ITPRIPL2: variants seen among roughly 807,000 people sequenced by gnomAD.
ITPRIPL2 encodes the protein inositol 1,4,5-trisphosphate receptor-interacting protein-like 2.
In ITPRIPL2, 29 loss-of-function variants were observed where a neutral mutation model predicts 31.7. The ratio of observed to expected loss-of-function variants is 0.91; its 90% CI spans 0.68 to 1.25. The LOEUF is 1.25. Among genes scored for constraint, ITPRIPL2 ranks in the 50% most tolerant of loss-of-function variants. The pLI, the probability that ITPRIPL2 is intolerant of heterozygous loss-of-function variation, is 0.00. For missense variants in ITPRIPL2, 696 were observed against 739.1 expected (o/e 0.94, Z 0.68); for synonymous variants, 344 against 343.4 (o/e 1.00, Z -0.02).
chr16:19,117,541 AT>A lies in ITPRIPL2; in HGVS notation c.*1473del, dbSNP rs1963459605. The A allele has an allele frequency of 1.2e-5, 2 of 167,152 alleles. No homozygotes were observed. Among genetic ancestry groups the A allele is most frequent in the South Asian group, 4.1e-4 (2 of 4,830 alleles). The allele number at this position is 167,152 out of a possible 1,614,324, so 10.4% of individuals were successfully genotyped here. A position where few individuals can be genotyped will look rare whatever the true frequency, so the allele number is the denominator to read the frequency against. ...TCCTCAATTGCAGTTTAAGTTCAGC[AT>A]GGCCCCTCATCTGCTTGCCTGATTG... On this transcript the variant is annotated 3_prime_UTR_variant, in exon 1 of 1. Transcript: ENST00000381440.
In ITPRIPL2 at chr16:19,115,811, G is replaced by T. The variant is rs767660088; in HGVS notation, c.1350G>T (p.Thr450=). The T allele has an allele frequency of 8.7e-6, 14 of 1,612,866 alleles. No homozygotes were observed. The highest frequency in any genetic ancestry group is 1.2e-5 in the Non-Finnish European group (14 of 1,179,912). The part of the protein sequence containing the change: ...FLRDCLLRRH[T]LFHCVLGPGG... ...GGGACTGCCTGCTGCGACGCCATACGCTCTTCCACTGCGTCCTGGGCCCTG... is the reference window on the plus strand; with the variant it reads ...GGGACTGCCTGCTGCGACGCCATACTCTCTTCCACTGCGTCCTGGGCCCTG... Residue 450 remains threonine, a synonymous_variant, in exon 1 of 1, where the codon ACG becomes ACT. Coordinates refer to ENST00000381440, the MANE Select transcript of ITPRIPL2 (RefSeq NM_001034841.4).
At position 19,119,196 on chromosome 16, in the gene ITPRIPL2, A is replaced by G; in HGVS notation, c.*3127A>G. On this transcript the variant is annotated 3_prime_UTR_variant, in exon 1 of 1. Transcript: ENST00000381440. ...GAAACTGAAGCTGAAAGAAAGGAGA[A>G]TTCGAGTGAACCAAGAGAAATCCAA... 4.9e-6 allele frequency: 2 copies of G among 411,794 alleles called. 1 individual carries two copies. The highest frequency in any genetic ancestry group is 1.3e-3 in the Middle Eastern group (2 of 1,586). 25.5% of individuals were successfully genotyped at this position (411,794 alleles called of 1,614,324 possible).
rs1406793706 is a variant in ITPRIPL2 at position 19,114,578 on chromosome 16, G to T, written c.117G>T (p.Glu39Asp). 3 of 1,563,320 alleles carry T rather than the reference G, an allele frequency of 1.9e-6. No individual in the cohort carries two copies. The highest frequency in any genetic ancestry group is 8.6e-7 in the Non-Finnish European group (1 of 1,159,484). Residue 39 changes from glutamate (E) to aspartate (D), a missense_variant, in exon 1 of 1, where the codon GAG becomes GAT. Coordinates refer to ENST00000381440, the MANE Select transcript of ITPRIPL2 (RefSeq NM_001034841.4). ...GGGGAAGCGGGGGCGCCCGGGCCGA[G>T]CCCGCCGACGGCGTGGATGGCGGCT... ...VLRGSGGARA[E>D]PADGVDGGFP...
rs1191499127 is a variant in ITPRIPL2 at position 19,114,733 on chromosome 16, A to G, written c.272A>G (p.His91Arg). ...GGTCACGCCGCCTTCTCCTCGAGACACTTCCGAGAGCCGGGCCTCAGCATC... is the reference window on the plus strand; with the variant it reads ...GGTCACGCCGCCTTCTCCTCGAGACGCTTCCGAGAGCCGGGCCTCAGCATC... ...LEGHAAFSSR[H>R]FREPGLSILL... is the part of the protein sequence containing the mutation. The change falls in exon 1 of 1, where the codon CAC becomes CGC. Residue 91 changes from histidine (H) to arginine (R), a missense_variant. His to Arg is a conservative substitution (Grantham distance 29). Transcript: ENST00000381440. 3.7e-6 allele frequency: 6 copies of G among 1,612,656 alleles called. No individual in the cohort carries two copies. In the East Asian group the frequency reaches 1.1e-4, roughly 30 times the overall value.
rs1310887697 is a variant in ITPRIPL2, at chr16:19,121,132, A to G, written c.*5063A>G. On this transcript the variant is annotated 3_prime_UTR_variant, in exon 1 of 1. Coordinates refer to ENST00000381440, the MANE Select transcript of ITPRIPL2 (RefSeq NM_001034841.4). ...ACATGACTGGGGGGATAAAGCATGT[A>G]TAAGTTGGGAGAGGGTAAAGAATGT... The G allele has an allele frequency of 6.0e-6, 1 of 166,634 alleles. No homozygotes were observed. The highest frequency in any genetic ancestry group is 2.4e-5 in the African/African-American group (1 of 41,306). The allele number at this position is 166,634 out of a possible 1,614,324, so 10.3% of individuals were successfully genotyped here.
At position 19,120,625 on chromosome 16, in the gene ITPRIPL2, A is replaced by ATATATATATT. The variant is rs1248708235; in HGVS notation, c.*4557_*4558insATATATATTT. The ATATATATATT allele has an allele frequency of 3.3e-5, 3 of 92,190 alleles. No individual in the cohort carries two copies. Among genetic ancestry groups the ATATATATATT allele is most frequent in the African/African-American group, 1.5e-4 (3 of 20,008 alleles). The allele number at this position is 92,190 out of a possible 1,614,324, so 5.7% of individuals were successfully genotyped here. A position where few individuals can be genotyped will look rare whatever the true frequency, so the allele number is the denominator to read the frequency against. ...CTAATATATATATATATATATATAT[A>ATATATATATT]TTTTTTTTTTTTTTTTTTAGTAGAG... On this transcript the variant is annotated 3_prime_UTR_variant, in exon 1 of 1. Transcript: ENST00000381440.
rs1390414897 is a variant in ITPRIPL2, at chr16:19,118,282, A to T, written c.*2213A>T. The T allele has an allele frequency of 6.0e-6, 1 of 166,450 alleles. No homozygotes were observed. The highest frequency in any genetic ancestry group is 1.5e-5 in the Non-Finnish European group (1 of 68,058). 10.3% of individuals were successfully genotyped at this position (166,450 alleles called of 1,614,324 possible). A position where few individuals can be genotyped will look rare whatever the true frequency, so the allele number is the denominator to read the frequency against. On this transcript the variant is annotated 3_prime_UTR_variant, in exon 1 of 1. Coordinates refer to ENST00000381440, the MANE Select transcript of ITPRIPL2 (RefSeq NM_001034841.4). ...AGTTCAAGACCAGCCTAGCCAACAT[A>T]GTGAAACTCTGTCTCTACTAAAAAA...
Position 19,114,567 on chromosome 16 carries a change from GC to G in ITPRIPL2, c.109del (p.Arg37GlyfsTer87). The G allele has an allele frequency of 6.5e-7, 1 of 1,548,728 alleles. No individual in the cohort carries two copies. Among genetic ancestry groups the G allele is most frequent in the Non-Finnish European group, 8.7e-7 (1 of 1,152,534 alleles). On this transcript the variant is annotated frameshift_variant, in exon 1 of 1. Transcript: ENST00000381440. LOFTEE classifies it high-confidence loss of function. ...LYHVLRGSGG[A>X]RAEPADGVDG... ...CCATGTCCTGCGGGGAAGCGGGGGC[GC>G]CCGGGCCGAGCCCGCCGACGGCGTG...
rs756544816 is a variant in ITPRIPL2 at position 19,115,191 on chromosome 16, C to T, written c.730C>T (p.Arg244Cys). The change falls in exon 1 of 1, where the codon CGT (arginine) becomes TGT (cysteine). Residue 244 changes from arginine to cysteine, a missense_variant. By Grantham distance (180) the Arg-to-Cys change is radical. Transcript: ENST00000381440. ...CTTCTGCGTGGATGTGCGCGGGCGG[C>T]GTCACCTCTCTGCTACTCTGGTGCT... ...DAFCVDVRGR[R>C]HLSATLVLRW... The T allele has an allele frequency of 1.2e-6, 2 of 1,607,464 alleles. No individual in the cohort carries two copies. The highest frequency in any genetic ancestry group is 1.7e-6 in the Non-Finnish European group (2 of 1,179,980).
In ITPRIPL2 at chr16:19,120,075, A is replaced by C. The variant is rs1263089074; in HGVS notation, c.*4006A>C. 6.0e-6 allele frequency: 1 copy of C among 167,020 alleles called. No individual in the cohort carries two copies. Among genetic ancestry groups the C allele is most frequent in the Non-Finnish European group, 1.5e-5 (1 of 68,152 alleles). The allele number at this position is 167,020 out of a possible 1,614,324, so 10.3% of individuals were successfully genotyped here. On this transcript the variant is annotated 3_prime_UTR_variant, in exon 1 of 1. Coordinates refer to ENST00000381440, the MANE Select transcript of ITPRIPL2 (RefSeq NM_001034841.4). ...GCTCATACCATTTCAACTACCAAGA[A>C]CACAGGTTTTTGTTTTTGTTTTTTG...
In ITPRIPL2 at chr16:19,117,306, T is replaced by C. The variant is rs1963457061; in HGVS notation, c.*1237T>C. 1 of 167,108 alleles carries C rather than the reference T, an allele frequency of 6.0e-6. No individual in the cohort carries two copies. Among genetic ancestry groups the C allele is most frequent in the African/African-American group, 2.4e-5 (1 of 41,466 alleles). 10.4% of individuals were successfully genotyped at this position (167,108 alleles called of 1,614,324 possible). ...CAGGTCTTGCAAAACATTTCACTTA[T>C]AGTTCAGTATCTTGGGCTCTGTGCT... On this transcript the variant is annotated 3_prime_UTR_variant, in exon 1 of 1. Coordinates refer to ENST00000381440, the MANE Select transcript of ITPRIPL2 (RefSeq NM_001034841.4).
At position 19,118,072 on chromosome 16, in the gene ITPRIPL2, T is replaced by C. The variant is rs1289719631; in HGVS notation, c.*2003T>C. On this transcript the variant is annotated 3_prime_UTR_variant, in exon 1 of 1. Transcript: ENST00000381440. ...AGTAGATCTTATATATATATATATG[T>C]ATACATATTTTATATATATATATAT... The C allele has an allele frequency of 1.2e-5, 2 of 165,258 alleles. No individual in the cohort carries two copies. Among genetic ancestry groups the C allele is most frequent in the African/African-American group, 4.9e-5 (2 of 41,084 alleles). The allele number at this position is 165,258 out of a possible 1,614,324, so 10.2% of individuals were successfully genotyped here.
At position 19,115,620 on chromosome 16, in the gene ITPRIPL2, G is replaced by A; in HGVS notation, c.1159G>A (p.Ala387Thr). 1.2e-6 allele frequency: 2 copies of A among 1,608,762 alleles called. No homozygotes were observed. Among genetic ancestry groups the A allele is most frequent in the Non-Finnish European group, 1.7e-6 (2 of 1,178,970 alleles). Residue 387 changes from alanine (A) to threonine (T), a missense_variant, in exon 1 of 1, where the codon GCC (alanine) becomes ACC (threonine). By Grantham distance (58) the Ala-to-Thr change is moderately conservative. Transcript: ENST00000381440. ...GCTTAAGGCTCTGCGCGATCTGGGG[G>A]CCCGTGGGCTGGACTCAGCGGCCGC... ...QLLKALRDLG[A>T]RGLDSAAATQ...
chr16:19,119,325 A>T lies in ITPRIPL2; in HGVS notation c.*3256A>T. 1.6e-5 allele frequency: 5 copies of T among 316,180 alleles called. No homozygotes were observed. The highest frequency in any genetic ancestry group is 3.0e-5 in the Non-Finnish European group (5 of 165,006). 19.6% of individuals were successfully genotyped at this position (316,180 alleles called of 1,614,324 possible). A position where few individuals can be genotyped will look rare whatever the true frequency, so the allele number is the denominator to read the frequency against. ...GTGAGAGAGGTTTGGGTTAGGAAACATGTTTTTAGTGCTATTTCCAACCAG... is the reference window on the plus strand; with the variant it reads ...GTGAGAGAGGTTTGGGTTAGGAAACTTGTTTTTAGTGCTATTTCCAACCAG... On this transcript the variant is annotated 3_prime_UTR_variant, in exon 1 of 1. Transcript: ENST00000381440.
In ITPRIPL2 at chr16:19,119,393, G is replaced by C. The variant is rs149741156; in HGVS notation, c.*3324G>C. 5.1e-3 allele frequency: 1,216 copies of C among 236,248 alleles called. 20 individuals are homozygous for C. The highest frequency in any genetic ancestry group is 0.024 in the African/African-American group (1,061 of 44,094). 14.6% of individuals were successfully genotyped at this position (236,248 alleles called of 1,614,324 possible). A position where few individuals can be genotyped will look rare whatever the true frequency, so the allele number is the denominator to read the frequency against. ...GCCTGTAGAAACAGGGGTGGGAGGT[G>C]GGGGGGAAGCTGTGCCCACCTTTAA... is the stretch of plus-strand genomic sequence containing the variant. On this transcript the variant is annotated 3_prime_UTR_variant, in exon 1 of 1. Transcript: ENST00000381440.
Position 19,114,339 on chromosome 16 carries a change from G to C in ITPRIPL2, c.-123G>C. 2 of 727,764 alleles carry C rather than the reference G, an allele frequency of 2.7e-6. No homozygotes were observed. Among genetic ancestry groups the C allele is most frequent in the Non-Finnish European group, 3.8e-6 (2 of 527,274 alleles). 45.1% of individuals were successfully genotyped at this position (727,764 alleles called of 1,614,324 possible). Reference sequence around the variant, plus strand: ...CCTCCCTCGGGCCTGCGTTCGGGAAGCCGCCGCGGAGGAGGAGACGGGGAC... The same window carrying C: ...CCTCCCTCGGGCCTGCGTTCGGGAACCCGCCGCGGAGGAGGAGACGGGGAC... On this transcript the variant is annotated 5_prime_UTR_variant, in exon 1 of 1. Transcript: ENST00000381440.
rs765346340 is a variant in ITPRIPL2 at position 19,114,864 on chromosome 16, C to T, written c.403C>T (p.Arg135Cys). Residue 135 changes from arginine to cysteine, a missense_variant, in exon 1 of 1, where the codon CGC becomes TGC. Arg to Cys is a radical substitution (Grantham distance 180). Transcript: ENST00000381440. ...CGTGGGCGAGCTGGTGCGGGCTGGC[C>T]GCGCCCGGGGGTCCCCCGGTCTCAT... is the stretch of plus-strand genomic sequence containing the variant. ...RIVGELVRAGRARGSPGLIPG... is the reference protein window; with the variant it reads ...RIVGELVRAGCARGSPGLIPG... The T allele has an allele frequency of 1.9e-6, 3 of 1,603,580 alleles. No individual in the cohort carries two copies. In the African/African-American group the frequency reaches 4.0e-5, roughly 21 times the overall value.
chr16:19,114,925 A>T lies in ITPRIPL2; in HGVS notation c.464A>T (p.Asp155Val), dbSNP rs1352304255. Residue 155 changes from aspartate (D) to valine (V), a missense_variant, in exon 1 of 1, where the codon GAC becomes GTC. Physicochemically the swap from Asp to Val is radical, Grantham distance 152. Transcript: ENST00000381440. ...GCGCTGGCCTTGGCCTTCCGCGGAGACTTCATCCAGGTGGGCAGCGCCTAC... is the reference window on the plus strand; with the variant it reads ...GCGCTGGCCTTGGCCTTCCGCGGAGTCTTCATCCAGGTGGGCAGCGCCTAC... ...GGALALAFRG[D>V]FIQVGSAYEQ... 1 of 1,609,662 alleles carries T rather than the reference A, an allele frequency of 6.2e-7. No homozygotes were observed. Among genetic ancestry groups the T allele is most frequent in the Non-Finnish European group, 8.5e-7 (1 of 1,179,684 alleles).
rs1461104693 is a variant in ITPRIPL2, at chr16:19,119,470, A to C, written c.*3401A>C. 1 of 180,542 alleles carries C rather than the reference A, an allele frequency of 5.5e-6. No homozygotes were observed. Among genetic ancestry groups the C allele is most frequent in the East Asian group, 1.7e-4 (1 of 6,024 alleles). 11.2% of individuals were successfully genotyped at this position (180,542 alleles called of 1,614,324 possible). A position where few individuals can be genotyped will look rare whatever the true frequency, so the allele number is the denominator to read the frequency against. The stretch of plus-strand genomic sequence containing the variant: ...GAAAAAAATGGGGCAACAAGCTGGA[A>C]ATCAGGTTTTTTTTTTTTAAAGTGA... On this transcript the variant is annotated 3_prime_UTR_variant, in exon 1 of 1. Coordinates refer to ENST00000381440, the MANE Select transcript of ITPRIPL2 (RefSeq NM_001034841.4).
Sources: allele counts gnomAD v4.1 joint callset, GRCh38; gene constraint gnomAD v4.1.1; transcripts MANE v1.5; gene names NCBI Gene and HGNC (gene_info 2026-07-23, HGNC 2026-07-21).